OTULIN: variants seen among roughly 807,000 people sequenced by gnomAD.
The protein encoded by OTULIN is ubiquitin thioesterase otulin.
In OTULIN, 15 loss-of-function variants were observed where a neutral mutation model predicts 39.6. That is an observed-to-expected ratio of 0.38 (90% CI 0.25 to 0.58). The LOEUF is 0.58. OTULIN is among the 20% of genes least tolerant of loss of function. The pLI, the probability that OTULIN is intolerant of heterozygous loss-of-function variation, is 0.66. For missense variants in OTULIN, 319 were observed against 445.9 expected (o/e 0.72, Z 2.56); for synonymous variants, 156 against 170.3 (o/e 0.92, Z 0.65).
rs1472957704 is a variant in OTULIN at position 14,670,518 on chromosome 5, G to T, written c.153-3124G>T. On this transcript the variant is annotated intron_variant, in intron 1 of 6. Transcript: ENST00000284274. ...GACGGGTAACTATTTCATTCTGCCT[G>T]CGAAATGTCCTCCTTCCTGAATATA... 2.0e-5 allele frequency among the ~76,000 whole-genome samples: 3 copies of T among 152,086 alleles called. No homozygotes were observed. In the South Asian group the frequency reaches 6.2e-4, roughly 32 times the overall value.
At chr5:14,677,349 A>G (rs1267438792) in intron 2 of OTULIN, among the ~76,000 whole-genome samples, 1 of 152,172 alleles carries the variant, frequency 6.6e-6, no homozygotes, top group Non-Finnish European at 1.5e-5. Flanking sequence ...CTCAGTAAAT[A>G]TTTGTTGAAT....
Position 14,664,830 on chromosome 5 carries a change from G to A in OTULIN, c.5G>A (p.Ser2Asn), listed in dbSNP as rs749422586. 4.9e-6 allele frequency: 6 copies of A among 1,219,684 alleles called. No individual in the cohort carries two copies. The Admixed American group carries it at 1.1e-4, about 23-fold the overall frequency. The allele number at this position is 1,219,684 out of a possible 1,614,324, so 75.6% of individuals were successfully genotyped here. ...CCTTCGGCCGCGAGCGACCGCATGA[G>A]TCGGGGGACTATGCCCCAGCCCGAA... M[S>N]RGTMPQPEAW... Residue 2 changes from serine to asparagine, a missense_variant, in exon 1 of 7, where the codon AGT becomes AAT. Coordinates refer to ENST00000284274, the MANE Select transcript of OTULIN (RefSeq NM_138348.6).
chr5:14,705,099 A>G, the OTULIN span: 1 of 152,214 alleles, frequency 6.6e-6, no homozygotes, highest in East Asian at 1.9e-4. Flanking sequence ...TGCTTAAGCG[A>G]TCCTCCTGCC....
downstream of OTULIN, among the ~76,000 whole-genome samples, chr5:14,703,324 C>CAAAAAAAA (rs59779015): frequency 1.6e-5 from 2 of 122,120 alleles, no homozygotes; most frequent in Non-Finnish European, 3.4e-5. Context: ...TTAATAGTGT[C>CAAAAAAAA]AAAAAAAAAA....
In OTULIN at chr5:14,678,762, C is replaced by T. The variant is rs373661896; in HGVS notation, c.311C>T (p.Thr104Met). ...TGGAGAGGAAATACACAGAAAGCAA[C>T]GTGTATGAAAATGGTATGACACAGA... Reference protein sequence around the residue: ...KEWRGNTQKATCMKMGYEEVS... With the variant: ...KEWRGNTQKAMCMKMGYEEVS... Residue 104 changes from threonine (T) to methionine (M), a missense_variant, in exon 3 of 7, where the codon ACG becomes ATG. Physicochemically the swap from Thr to Met is moderately conservative, Grantham distance 81. Coordinates refer to ENST00000284274, the MANE Select transcript of OTULIN (RefSeq NM_138348.6). 1.0e-5 allele frequency: 16 copies of T among 1,603,342 alleles called. No homozygotes were observed. The highest frequency in any genetic ancestry group is 1.7e-5 in the Admixed American group (1 of 58,854).
In OTULIN at chr5:14,664,766, G is replaced by C. The variant is rs1169837278; in HGVS notation, c.-60G>C. The C allele has an allele frequency of 1.4e-5, 16 of 1,115,042 alleles. No homozygotes were observed. The highest frequency in any genetic ancestry group is 1.8e-5 in the Non-Finnish European group (16 of 912,854). 69.1% of individuals were successfully genotyped at this position (1,115,042 alleles called of 1,614,324 possible). A position where few individuals can be genotyped will look rare whatever the true frequency, so the allele number is the denominator to read the frequency against. On this transcript the variant is annotated 5_prime_UTR_variant, in exon 1 of 7. Coordinates refer to ENST00000284274, the MANE Select transcript of OTULIN (RefSeq NM_138348.6). ...GGCTGCGGCCACTGCCTGGCACCCC[G>C]ACGGGAGGGGCTCCGGATCGTTCGG...
At chr5:14,670,641 A>G (rs1453191060) in intron 1 of OTULIN, among the ~76,000 whole-genome samples, 4 of 152,076 alleles carry the variant, frequency 2.6e-5, no homozygotes, top group East Asian at 1.9e-4. Flanking sequence ...GTCTCACTCT[A>G]TTGCCTGGGC....
At chr5:14,686,110 T>C (rs1560999723) in intron 4 of OTULIN, among the ~76,000 whole-genome samples, 1 of 152,192 alleles carries the variant, frequency 6.6e-6, no homozygotes, top group African/African-American at 2.4e-5. Flanking sequence ...ATCCCAATCG[T>C]GGTTCTGTGT....
At chr5:14,704,128 A>G (rs1561010370), downstream of OTULIN, among the ~76,000 whole-genome samples, 1 of 151,946 alleles carries the variant, frequency 6.6e-6, no homozygotes, top group Non-Finnish European at 1.5e-5. Flanking sequence ...TCAGGAGATC[A>G]AGACCATCCT....
At chr5:14,687,204 T>A (rs1456305859) in intron 4 of OTULIN, among the ~76,000 whole-genome samples, 2 of 152,054 alleles carry the variant, frequency 1.3e-5, no homozygotes, top group African/African-American at 4.8e-5. Context: ...CTGAAGGTGG[T>A]TGGTGTGAGG....
chr5:14,676,162 T>C (rs1736098777), intron 2 of OTULIN, among the ~76,000 whole-genome samples: 1 of 152,252 alleles, frequency 6.6e-6, no homozygotes, highest in African/African-American at 2.4e-5. Context: ...TTCTTGTCTT[T>C]GTCACCCATG....
At chr5:14,679,350 A>G (rs566475772) in intron 3 of OTULIN, among the ~76,000 whole-genome samples, 14 of 152,102 alleles carry the variant, frequency 9.2e-5, no homozygotes, top group Non-Finnish European at 1.0e-4. Flanking sequence ...GCCTACATAC[A>G]CCACACAGCT....
chr5:14,692,442 C>T (rs1219632313), intron 6 of OTULIN, among the ~76,000 whole-genome samples: 1 of 152,212 alleles, frequency 6.6e-6, no homozygotes, highest in Non-Finnish European at 1.5e-5. Flanking sequence ...GTGTGAAGTA[C>T]TATCTCATTG....
intron 3 of OTULIN, among the ~76,000 whole-genome samples, chr5:14,679,799 A>T (rs1220483595): frequency 6.6e-6 from 1 of 152,220 alleles, no homozygotes; most frequent in African/African-American, 2.4e-5. Context: ...TGCAAGTCTG[A>T]TATGTAGATG....
the OTULIN span, among the ~76,000 whole-genome samples, chr5:14,712,077 T>TTTTC: frequency 2.0e-5 from 3 of 152,210 alleles, no homozygotes; most frequent in Non-Finnish European, 4.4e-5. Context: ...CCTACCCTGC[T>TTTTC]TTTCTTTCAT....
In OTULIN at chr5:14,697,944, A is replaced by G. The variant is rs1228285796; in HGVS notation, c.*4896A>G. On this transcript the variant is annotated 3_prime_UTR_variant, in exon 7 of 7. Coordinates refer to ENST00000284274, the MANE Select transcript of OTULIN (RefSeq NM_138348.6). ...CTTAATTTTAGGAGTTTTCATTTAC[A>G]TATTGAAAAATGCCTTGACTGTATT... 1 of 152,250 alleles carries G rather than the reference A, an allele frequency of 6.6e-6. No homozygotes were observed. The highest frequency in any genetic ancestry group is 1.5e-5 in the Non-Finnish European group (1 of 68,044). The allele number at this position is 152,250 out of a possible 1,614,324, so 9.4% of individuals were successfully genotyped here.
intron 3 of OTULIN, among the ~76,000 whole-genome samples, chr5:14,679,839 T>C (rs1204816961): frequency 1.3e-5 from 2 of 152,204 alleles, no homozygotes; most frequent in African/African-American, 4.8e-5. Flanking sequence ...GTTAGAGAAC[T>C]CAATTATGAA....
intron 1 of OTULIN, among the ~76,000 whole-genome samples, chr5:14,671,700 T>G (rs1735982341): frequency 6.6e-6 from 1 of 152,194 alleles, no homozygotes; most frequent in Non-Finnish European, 1.5e-5. Context: ...GGAAAGTACC[T>G]TTTTCTGATA....
the OTULIN span, chr5:14,713,032 C>G: frequency 6.6e-7 from 1 of 1,512,220 alleles, no homozygotes; most frequent in Non-Finnish European, 9.1e-7. The surrounding 1 kb of genome is among the most constrained non-coding windows in gnomAD (Gnocchi z 4.4). Context: ...GCACAACCGT[C>G]GATGCCAAAA....
Sources: gnomAD v4.1 joint callset for allele counts (sites outside exome capture counted in the v4.1 genomes callset) on GRCh38, gnomAD v4.1.1 for gene constraint, Gnocchi (gnomAD v3.1) non-coding constraint, MANE v1.5 for transcripts, NCBI Gene and HGNC (gene_info 2026-07-23, HGNC 2026-07-21) for gene names.